The following PKNOX2 variants were observed in gnomAD, a reference collection of about 807,000 sequenced individuals.
The protein encoded by PKNOX2 is homeobox protein PKNOX2.
Under a neutral mutation model 53.1 loss-of-function variants are expected in PKNOX2, and 14 were observed. The ratio of observed to expected loss-of-function variants is 0.26; its 90% CI spans 0.17 to 0.41. The LOEUF (loss-of-function observed/expected upper bound fraction) is 0.41, where lower values mean the gene tolerates loss of function less well. PKNOX2 is among the 10% of genes least tolerant of loss of function. PKNOX2 has a pLI of 1.00. For missense variants in PKNOX2, 496 were observed against 602.8 expected (o/e 0.82, Z 1.85); for synonymous variants, 257 against 242.8 (o/e 1.06, Z -0.54).
chr11:125,362,002 T>G (rs907114910), intron 4 of PKNOX2, among the ~76,000 whole-genome samples: 1 of 152,170 alleles, frequency 6.6e-6, no homozygotes, highest in African/African-American at 2.4e-5. Flanking sequence ...GGGAGAACTG[T>G]TTCTGGCACG....
At chr11:125,293,988 A>G (rs1947491501) in intron 2 of PKNOX2, among the ~76,000 whole-genome samples, 1 of 152,260 alleles carries the variant, frequency 6.6e-6, no homozygotes, top group South Asian at 2.1e-4. Flanking sequence ...ATGCTTTGGA[A>G]CAATTTTGAG....
intron 4 of PKNOX2, among the ~76,000 whole-genome samples, chr11:125,363,445 G>C (rs73618199): frequency 6.6e-6 from 1 of 152,222 alleles, no homozygotes; most frequent in African/African-American, 2.4e-5. Flanking sequence ...TGGCAGAGGA[G>C]CATCAAACCC....
chr11:125,350,264 T>C (rs1313078859), intron 3 of PKNOX2, among the ~76,000 whole-genome samples: 1 of 152,184 alleles, frequency 6.6e-6, no homozygotes, highest in African/African-American at 2.4e-5. Flanking sequence ...CTGTCTCCAC[T>C]TATGGCACCA....
chr11:125,172,700 T>C (rs1328779822), intron 1 of PKNOX2, among the ~76,000 whole-genome samples: 1 of 152,188 alleles, frequency 6.6e-6, no homozygotes, highest in African/African-American at 2.4e-5. Context: ...TTCCTCCCAA[T>C]TGGATTGCTT....
chr11:125,295,747 C>T (rs1427917042), intron 2 of PKNOX2, among the ~76,000 whole-genome samples: 2 of 152,174 alleles, frequency 1.3e-5, no homozygotes, highest in East Asian at 1.9e-4. Context: ...AACTGGGGCT[C>T]GCATGGACTG....
At chr11:125,383,832 T>C (rs1179491323) in intron 5 of PKNOX2, among the ~76,000 whole-genome samples, 1 of 152,200 alleles carries the variant, frequency 6.6e-6, no homozygotes, top group Non-Finnish European at 1.5e-5. Flanking sequence ...AAAGTTCTGT[T>C]GCACAGCACT....
At chr11:125,309,842 A>G (rs927138580) in intron 2 of PKNOX2, among the ~76,000 whole-genome samples, 7 of 152,218 alleles carry the variant, frequency 4.6e-5, no homozygotes, top group Admixed American at 2.6e-4. Flanking sequence ...CACACCTTCC[A>G]TAGTGTCATG....
At chr11:125,354,642 T>C (rs1951502528) in intron 4 of PKNOX2, among the ~76,000 whole-genome samples, 1 of 152,258 alleles carries the variant, frequency 6.6e-6, no homozygotes, top group Non-Finnish European at 1.5e-5. Context: ...ATTAGGAATC[T>C]GCATTAAAAA....
At chr11:125,197,474 C>T (rs983065987) in intron 1 of PKNOX2, among the ~76,000 whole-genome samples, 2 of 152,138 alleles carry the variant, frequency 1.3e-5, no homozygotes, top group Non-Finnish European at 2.9e-5. Flanking sequence ...CCTGGGGACC[C>T]ACAGAAACCT....
intron 2 of PKNOX2, among the ~76,000 whole-genome samples, chr11:125,301,772 C>T (rs1948086854): frequency 6.6e-6 from 1 of 152,198 alleles, no homozygotes; most frequent in Non-Finnish European, 1.5e-5. Context: ...GGAGAGGAGA[C>T]AGAAGTGATT....
At chr11:125,296,673 G>A (rs1280368737) in intron 2 of PKNOX2, among the ~76,000 whole-genome samples, 2 of 152,140 alleles carry the variant, frequency 1.3e-5, no homozygotes, top group African/African-American at 4.8e-5. Flanking sequence ...GTCTCGCTCT[G>A]TTGCCAGGCT....
At position 125,399,931 on chromosome 11, in the gene PKNOX2, T is replaced by A. The variant is rs1337239113; in HGVS notation, c.588+1869T>A. 2.6e-5 allele frequency among the ~76,000 whole-genome samples: 4 copies of A among 152,338 alleles called. No homozygotes were observed. In the East Asian group the frequency reaches 7.7e-4, roughly 29 times the overall value. Reference sequence around the variant, plus strand: ...GAGAAGTGGGGTTTGCAGAAAAGGATAACGCGGACTCTGGATGGTTAAGTT... The same window carrying A: ...GAGAAGTGGGGTTTGCAGAAAAGGAAAACGCGGACTCTGGATGGTTAAGTT... On this transcript the variant is annotated intron_variant, in intron 7 of 12. Transcript: ENST00000298282.
chr11:125,383,782 A>G (rs1362570325), intron 5 of PKNOX2, among the ~76,000 whole-genome samples: 2 of 152,212 alleles, frequency 1.3e-5, no homozygotes, highest in Non-Finnish European at 2.9e-5. Context: ...TGGCTGCCAT[A>G]TGGGGCAGTG....
At chr11:125,311,842 A>C (rs1948827337) in intron 2 of PKNOX2, among the ~76,000 whole-genome samples, 1 of 151,530 alleles carries the variant, frequency 6.6e-6, no homozygotes, top group Non-Finnish European at 1.5e-5. Flanking sequence ...TTAAAAAAAC[A>C]TTTTTTAAAA....
In PKNOX2 at chr11:125,242,769, C is replaced by T. The variant is rs112025742; in HGVS notation, c.-130+7654C>T. Among the ~76,000 whole-genome samples, 23 of 151,896 alleles carry T rather than the reference C, an allele frequency of 1.5e-4. 1 individual carries two copies. Among genetic ancestry groups the T allele is most frequent in the African/African-American group, 5.6e-4 (23 of 41,438 alleles). ...GAGTTTTAGTGCCCTGCTTGTTGTTCTTTGTCGGGGCACGTCTGTCCATGG... is the reference window on the plus strand; with the variant it reads ...GAGTTTTAGTGCCCTGCTTGTTGTTTTTTGTCGGGGCACGTCTGTCCATGG... On this transcript the variant is annotated intron_variant, in intron 2 of 12. Transcript: ENST00000298282.
In PKNOX2 at chr11:125,263,025, T is replaced by C. The variant is rs118013503; in HGVS notation, c.-130+27910T>C. Among the ~76,000 whole-genome samples the C allele has an allele frequency of 9.1e-3, 1,389 of 152,284 alleles. 8 individuals are homozygous for C. Among genetic ancestry groups the C allele is most frequent in the Non-Finnish European group, 0.015 (1,007 of 68,020 alleles). The stretch of plus-strand genomic sequence containing the variant: ...GGCAGTCTCTGTAGTGTGTGCTGAA[T>C]TGCTGCAGGGAGGGCCAAGAGCACA... On this transcript the variant is annotated intron_variant, in intron 2 of 12. Transcript: ENST00000298282.
At chr11:125,327,719 G>A (rs1949910865) in intron 2 of PKNOX2, among the ~76,000 whole-genome samples, 4 of 152,162 alleles carry the variant, frequency 2.6e-5, no homozygotes, top group Admixed American at 1.3e-4. Flanking sequence ...CTTGTGCTTG[G>A]TGGAATTGCT....
intron 10 of PKNOX2, among the ~76,000 whole-genome samples, chr11:125,419,645 C>T (rs985909439): frequency 6.6e-6 from 1 of 151,740 alleles, no homozygotes; most frequent in Non-Finnish European, 1.5e-5. Context: ...CTGTACAAAG[C>T]AATGACTATG....
At chr11:125,383,677 T>G (rs112528249) in intron 5 of PKNOX2, among the ~76,000 whole-genome samples, 4 of 152,252 alleles carry the variant, frequency 2.6e-5, no homozygotes, top group African/African-American at 9.6e-5. Flanking sequence ...TGTAACCTCT[T>G]AAATTTAAAG....
Sources: gnomAD v4.1 joint callset for allele counts (sites outside exome capture counted in the v4.1 genomes callset) on GRCh38, gnomAD v4.1.1 for gene constraint, MANE v1.5 for transcripts, NCBI Gene and HGNC (gene_info 2026-07-23, HGNC 2026-07-21) for gene names.